The following DPP6 variants were observed in gnomAD, a reference collection of about 807,000 sequenced individuals.
DPP6 encodes the protein A-type potassium channel modulatory protein DPP6.
A neutral mutation model predicts 122.6 loss-of-function variants in DPP6; 69 were observed. The observed-to-expected ratio is 0.56, with a 90% CI of 0.46 to 0.69. The LOEUF (loss-of-function observed/expected upper bound fraction) is 0.69. Among genes scored for constraint, DPP6 ranks in the 30% least tolerant of loss-of-function variants. The probability of loss-of-function intolerance (pLI) is 0.00; values close to 1 mark genes in which losing one functional copy is unlikely to be tolerated. For missense variants in DPP6, 928 were observed against 1,116.9 expected, an observed-to-expected ratio of 0.83 and a Z score of 2.41; for synonymous variants, 418 against 433.1, an observed-to-expected ratio of 0.97 and a Z score of 0.43.
the DPP6 span, among the ~76,000 whole-genome samples, chr7:153,843,795 C>T: frequency 1.1e-4 from 17 of 152,254 alleles, 1 homozygote; most frequent in Admixed American, 9.8e-4. Flanking sequence ...ATTAGCAAGA[C>T]ATTAATCAGC....
chr7:154,553,697 A>G (rs914511201), intron 4 of DPP6, among the ~76,000 whole-genome samples: 1 of 152,106 alleles, frequency 6.6e-6, no homozygotes, highest in African/African-American at 2.4e-5. Flanking sequence ...TGCATACATA[A>G]TCCAGCTGTA....
At chr7:153,801,413 T>C in the DPP6 span, among the ~76,000 whole-genome samples, 5 of 151,970 alleles carry the variant, frequency 3.3e-5, no homozygotes, top group Non-Finnish European at 5.9e-5. Context: ...TCAAACCTCA[T>C]CAGTCCTCGA....
At chr7:154,571,623 G>T (rs567190630) in intron 5 of DPP6, among the ~76,000 whole-genome samples, 34 of 152,274 alleles carry the variant, frequency 2.2e-4, no homozygotes, top group Admixed American at 6.5e-4. Context: ...TGAAATGATT[G>T]TTCTTAGTCA....
intron 1 of DPP6, among the ~76,000 whole-genome samples, chr7:154,072,491 G>A (rs565149207): frequency 2.0e-5 from 3 of 152,246 alleles, no homozygotes; most frequent in Non-Finnish European, 4.4e-5. Context: ...TTGTGCATTT[G>A]TAATGCATGA....
intron 1 of DPP6, among the ~76,000 whole-genome samples, chr7:154,163,430 T>A (rs1797079682): frequency 6.6e-6 from 1 of 152,252 alleles, no homozygotes; most frequent in Non-Finnish European, 1.5e-5. Flanking sequence ...AATCATCCTT[T>A]AATTATCTTT....
intron 1 of DPP6, among the ~76,000 whole-genome samples, chr7:154,208,068 T>C (rs1400922605): frequency 1.3e-5 from 2 of 152,224 alleles, no homozygotes. Flanking sequence ...AAAACAGGCA[T>C]TGGTTACTGG....
In DPP6 at chr7:154,745,303, A is replaced by C. The variant is rs550369288; in HGVS notation, c.883+17416A>C. 2.0e-5 allele frequency among the ~76,000 whole-genome samples: 3 copies of C among 152,374 alleles called. No individual in the cohort carries two copies. In the East Asian group the frequency reaches 5.8e-4, roughly 29 times the overall value. ...AAGGCTCCGCACGTCCCAGTGACCT[A>C]GAGCCAGTTGTCAACATCTCTGAGC... is the stretch of plus-strand genomic sequence containing the variant. On this transcript the variant is annotated intron_variant, in intron 8 of 25. Transcript: ENST00000377770.
chr7:154,320,250 G>A (rs897354839), intron 1 of DPP6, among the ~76,000 whole-genome samples: 20 of 152,020 alleles, frequency 1.3e-4, no homozygotes, highest in African/African-American at 3.6e-4. Flanking sequence ...TTACACTGAC[G>A]GTGCCTCTCA....
intron 7 of DPP6, among the ~76,000 whole-genome samples, chr7:154,684,537 T>G (rs1839484077): frequency 6.6e-6 from 1 of 152,232 alleles, no homozygotes; most frequent in South Asian, 2.1e-4. Flanking sequence ...TTTATGAAAT[T>G]TGTTTCTGTG....
intron 1 of DPP6, among the ~76,000 whole-genome samples, chr7:154,114,230 A>G: frequency 6.6e-6 from 1 of 151,844 alleles, no homozygotes; most frequent in East Asian, 1.9e-4. Flanking sequence ...AACATCAGAC[A>G]ATTTCCAGTT....
At chr7:154,031,748 G>C (rs1799241035) in intron 1 of DPP6, among the ~76,000 whole-genome samples, 1 of 151,864 alleles carries the variant, frequency 6.6e-6, no homozygotes, top group Non-Finnish European at 1.5e-5. Context: ...GGAGAATCTA[G>C]CATTTCTGGA....
chr7:153,903,113 T>C (rs1437553081), intron 1 of DPP6, among the ~76,000 whole-genome samples: 4 of 152,182 alleles, frequency 2.6e-5, no homozygotes, highest in Non-Finnish European at 5.9e-5. Flanking sequence ...ATCAGGAGAC[T>C]GCCAAGGACA....
chr7:154,792,995 G>A (rs1349631697), intron 10 of DPP6, among the ~76,000 whole-genome samples: 1 of 152,210 alleles, frequency 6.6e-6, no homozygotes, highest in Non-Finnish European at 1.5e-5. Flanking sequence ...TTTAATTGTG[G>A]GAAATGGGGG....
chr7:154,504,127 GTGT>G (rs1825477832), intron 3 of DPP6, among the ~76,000 whole-genome samples: 2 of 152,272 alleles, frequency 1.3e-5, no homozygotes. Flanking sequence ...AGCCTTAATA[GTGT>G]TTAGAGCATT....
chr7:154,256,311 T>C (rs74682828), intron 1 of DPP6, among the ~76,000 whole-genome samples: 7,456 of 152,218 alleles, frequency 0.049, 245 homozygotes, highest in East Asian at 0.13. Flanking sequence ...ATTTAGTAAG[T>C]ACACCATGCA....
chr7:154,680,078 G>T (rs938649536), intron 7 of DPP6, among the ~76,000 whole-genome samples: 1 of 152,112 alleles, frequency 6.6e-6, no homozygotes, highest in South Asian at 2.1e-4. Flanking sequence ...TAATTATGGG[G>T]CCCTTTCCTG....
At chr7:154,175,800 A>G (rs1257188990) in intron 1 of DPP6, among the ~76,000 whole-genome samples, 2 of 148,730 alleles carry the variant, frequency 1.3e-5, no homozygotes, top group East Asian at 4.0e-4. Flanking sequence ...GCTCACTACA[A>G]CCTCAGCCTC....
rs879359235 is a variant in DPP6, at chr7:154,755,807, G to A, written c.884-13610G>A. 6.6e-6 allele frequency among the ~76,000 whole-genome samples: 1 copy of A among 152,212 alleles called. No homozygotes were observed. Among genetic ancestry groups the A allele is most frequent in the Non-Finnish European group, 1.5e-5 (1 of 68,046 alleles). ...CCGAGCCCTTGGGTTGGAAGAGGTCGGAGTGGGGCGCGTCCCAGGTCGGGA... is the reference window on the plus strand; with the variant it reads ...CCGAGCCCTTGGGTTGGAAGAGGTCAGAGTGGGGCGCGTCCCAGGTCGGGA... On this transcript the variant is annotated intron_variant, in intron 8 of 25. Transcript: ENST00000377770. The surrounding 1 kb of genome is among the most constrained non-coding windows in gnomAD (Gnocchi z 4.7).
chr7:154,799,404 C>G (rs531854200), intron 12 of DPP6, among the ~76,000 whole-genome samples: 1 of 152,194 alleles, frequency 6.6e-6, no homozygotes, highest in African/African-American at 2.4e-5. Flanking sequence ...GTCACTGCTG[C>G]GCTGACCCTG....
Sources: gnomAD v4.1 joint callset for allele counts (sites outside exome capture counted in the v4.1 genomes callset) on GRCh38, gnomAD v4.1.1 for gene constraint, Gnocchi (gnomAD v3.1) non-coding constraint, MANE v1.5 for transcripts, NCBI Gene and HGNC (gene_info 2026-07-23, HGNC 2026-07-21) for gene names.